The following TSPYL6 variants were observed in gnomAD, a reference collection of about 807,000 sequenced individuals.
TSPYL6 encodes testis-specific Y-encoded-like protein 6.
For synonymous variants in TSPYL6, 259 were observed against 214.8 expected, an observed-to-expected ratio of 1.21 and a Z score of -1.80; for missense variants, 699 against 531.5, an observed-to-expected ratio of 1.32 and a Z score of -3.10.
At position 54,255,131 on chromosome 2, in the gene TSPYL6, G is replaced by A. The variant is rs375090649; in HGVS notation, c.1021C>T (p.His341Tyr). 78 of 1,614,078 alleles carry A rather than the reference G, an allele frequency of 4.8e-5. No individual in the cohort carries two copies. Among genetic ancestry groups the A allele is most frequent in the Non-Finnish European group, 6.4e-5 (75 of 1,180,050 alleles). ...CTGCAGATGACATGTCGGTTCCTAT[G>A]AATGAAGGACTGGGGTCCATGGCCC... The part of the protein sequence containing the change: ...RRGHGPQSFI[H>Y]RNRHVICSFF... The change falls in exon 1 of 1, where the codon CAT (histidine) becomes TAT (tyrosine). Residue 341 changes from histidine (H) to tyrosine (Y), a missense_variant. Coordinates refer to ENST00000317802, the MANE Select transcript of TSPYL6 (RefSeq NM_001003937.3).
chr2:54,255,939 G>A lies in TSPYL6; in HGVS notation c.213C>T (p.Phe71=). 3 of 1,614,132 alleles carry A rather than the reference G, an allele frequency of 1.9e-6. No homozygotes were observed. Among genetic ancestry groups the A allele is most frequent in the Non-Finnish European group, 2.5e-6 (3 of 1,180,028 alleles). Residue 71 remains phenylalanine, a synonymous_variant, in exon 1 of 1, where the codon TTC becomes TTT. Coordinates refer to ENST00000317802, the MANE Select transcript of TSPYL6 (RefSeq NM_001003937.3). ...TGCGACCCGCATCGACCAAGATGTGGAAAGTATGGCCACCATCTGCGGGAT... is the reference window on the plus strand; with the variant it reads ...TGCGACCCGCATCGACCAAGATGTGAAAAGTATGGCCACCATCTGCGGGAT... ...PQDPADGGHT[F]HILVDAGRSH... is the part of the protein sequence containing the mutation.
At position 54,255,264 on chromosome 2, in the gene TSPYL6, G is replaced by A; in HGVS notation, c.888C>T (p.Phe296=). 2 of 1,614,186 alleles carry A rather than the reference G, an allele frequency of 1.2e-6. No homozygotes were observed. Among genetic ancestry groups the A allele is most frequent in the Non-Finnish European group, 1.7e-6 (2 of 1,180,036 alleles). The change falls in exon 1 of 1, where the codon TTC becomes TTT. Residue 296 remains phenylalanine (F), a synonymous_variant. Coordinates refer to ENST00000317802, the MANE Select transcript of TSPYL6 (RefSeq NM_001003937.3). ...RHPRTGCKFK[F]FFQRNPYFRN... ...TGAAGTAAGGGTTTCTTTGAAAGAA[G>A]AACTTAAACTTGCAGCCTGTCCTAG...
chr2:54,255,481 A>G lies in TSPYL6; in HGVS notation c.671T>C (p.Leu224Pro), dbSNP rs760682062. ...CTGCCCAAACCTGCGCTCCACCTGC[A>G]GGAGCGCCCTGTCAGCCTCTGCATT... ...SVNAEADRAL[L>P]QVERRFGQIH... is the part of the protein sequence containing the mutation. Residue 224 changes from leucine (L) to proline (P), a missense_variant, in exon 1 of 1, where the codon CTG becomes CCG. Physicochemically the swap from Leu to Pro is moderately conservative, Grantham distance 98. Coordinates refer to ENST00000317802, the MANE Select transcript of TSPYL6 (RefSeq NM_001003937.3). 152 of 1,613,804 alleles carry G rather than the reference A, an allele frequency of 9.4e-5. No individual in the cohort carries two copies. The highest frequency in any genetic ancestry group is 1.2e-4 in the Non-Finnish European group (139 of 1,179,970).
rs1005720134 is a variant in TSPYL6 at position 54,255,555 on chromosome 2, A to T, written c.597T>A (p.Gly199=). ...TGGACTCCAGGGGGTTCAGGTGGAG[A>T]CCCACGTTCAGGGGCCCGGGCCCGG... ...PGPGPGPLNV[G]LHLNPLESIQ... is the part of the protein sequence containing the mutation. Residue 199 remains glycine, a synonymous_variant, in exon 1 of 1, where the codon GGT becomes GGA. Transcript: ENST00000317802. 1.2e-6 allele frequency: 2 copies of T among 1,610,102 alleles called. No homozygotes were observed. The highest frequency in any genetic ancestry group is 2.2e-5 in the East Asian group (1 of 44,692).
rs906322724 is a variant in TSPYL6, at chr2:54,253,551, C to T, written c.*1368G>A. ...CCTTCTCTAGGGAACATATTTAACA[C>T]TCCAACCATCTTCTATTCTTCTACG... On this transcript the variant is annotated 3_prime_UTR_variant, in exon 1 of 1. Coordinates refer to ENST00000317802, the MANE Select transcript of TSPYL6 (RefSeq NM_001003937.3). 1.3e-5 allele frequency: 2 copies of T among 152,240 alleles called. No homozygotes were observed. The highest frequency in any genetic ancestry group is 4.8e-5 in the African/African-American group (2 of 41,450). 9.4% of individuals were successfully genotyped at this position (152,240 alleles called of 1,614,324 possible). A position where few individuals can be genotyped will look rare whatever the true frequency, so the allele number is the denominator to read the frequency against.
chr2:54,255,602 T>C lies in TSPYL6; in HGVS notation c.550A>G (p.Asn184Asp), dbSNP rs764712537. Reference protein sequence around the residue: ...AEENRAIDEVNREAGPGPGPG... With the variant: ...AEENRAIDEVDREAGPGPGPG... ...CCGGGCCCAGGCCCTGCCTCCCTGT[T>C]TACCTCATCTATTGCTCTGTTTTCT... The change falls in exon 1 of 1, where the codon AAC becomes GAC. Residue 184 changes from asparagine (N) to aspartate (D), a missense_variant. Transcript: ENST00000317802. The C allele has an allele frequency of 9.3e-6, 15 of 1,613,482 alleles. No homozygotes were observed. In the South Asian group the frequency reaches 1.6e-4, roughly 18 times the overall value.
In TSPYL6 at chr2:54,255,647, C is replaced by T. The variant is rs762227245; in HGVS notation, c.505G>A (p.Glu169Lys). ...TTTTCTTCCGCCACGTCCATTTCTTCGCCTCCTGGCTTCTCATCCACTGGG... is the reference window on the plus strand; with the variant it reads ...TTTTCTTCCGCCACGTCCATTTCTTTGCCTCCTGGCTTCTCATCCACTGGG... ...SAPVDEKPGG[E>K]EMDVAEENRA... The change falls in exon 1 of 1, where the codon GAA becomes AAA. Residue 169 changes from glutamate to lysine, a missense_variant. Transcript: ENST00000317802. 4.3e-6 allele frequency: 7 copies of T among 1,613,732 alleles called. No homozygotes were observed. The highest frequency in any genetic ancestry group is 1.6e-4 in the Middle Eastern group (1 of 6,062).
the TSPYL6 span, chr2:54,255,213 A>C: frequency 1.2e-6 from 2 of 1,614,078 alleles, no homozygotes; most frequent in African/African-American, 2.7e-5. Context: ...ATCTGACCTC[A>C]TACACCTTTA....
At position 54,255,630 on chromosome 2, in the gene TSPYL6, C is replaced by G; in HGVS notation, c.522G>C (p.Ala174=). Residue 174 remains alanine (A), a synonymous_variant, in exon 1 of 1, where the codon GCG becomes GCC. Transcript: ENST00000317802. ...EKPGGEEMDV[A]EENRAIDEVN... is the part of the protein sequence containing the mutation. Reference sequence around the variant, plus strand: ...CCTCATCTATTGCTCTGTTTTCTTCCGCCACGTCCATTTCTTCGCCTCCTG... The same window carrying G: ...CCTCATCTATTGCTCTGTTTTCTTCGGCCACGTCCATTTCTTCGCCTCCTG... The G allele has an allele frequency of 6.2e-7, 1 of 1,613,588 alleles. No individual in the cohort carries two copies. The highest frequency in any genetic ancestry group is 1.1e-5 in the South Asian group (1 of 91,078).
chr2:54,255,974 C>A lies in TSPYL6; in HGVS notation c.178G>T (p.Ala60Ser), dbSNP rs1275724575. 1 of 1,614,096 alleles carries A rather than the reference C, an allele frequency of 6.2e-7. No individual in the cohort carries two copies. Among genetic ancestry groups the A allele is most frequent in the African/African-American group, 1.3e-5 (1 of 75,044 alleles). Reference protein sequence around the residue: ...PPPRLPEEGVAPQDPADGGHT... With the variant: ...PPPRLPEEGVSPQDPADGGHT... ...CCACCATCTGCGGGATCCTGGGGCG[C>A]GACCCCCTCCTCTGGAAGCCGGGGC... The change falls in exon 1 of 1, where the codon GCG becomes TCG. Residue 60 changes from alanine (A) to serine (S), a missense_variant. Ala to Ser is a moderately conservative substitution (Grantham distance 99, BLOSUM62 1). Transcript: ENST00000317802.
chr2:54,256,210 C>T lies in TSPYL6; in HGVS notation c.-59G>A, dbSNP rs1371375443. ...CCAGGCCAGAGGTAGGTAGCGTCAA[C>T]GTTCCTCACACAAAATGGCGAGTAA... On this transcript the variant is annotated 5_prime_UTR_variant, in exon 1 of 1. Coordinates refer to ENST00000317802, the MANE Select transcript of TSPYL6 (RefSeq NM_001003937.3). The T allele has an allele frequency of 7.8e-6, 12 of 1,531,990 alleles. No homozygotes were observed. Among genetic ancestry groups the T allele is most frequent in the Middle Eastern group, 1.8e-4 (1 of 5,498 alleles). 94.9% of individuals were successfully genotyped at this position (1,531,990 alleles called of 1,614,324 possible).
In TSPYL6 at chr2:54,254,248, G is replaced by A. The variant is rs140717255; in HGVS notation, c.*671C>T. Reference sequence around the variant, plus strand: ...TTTGGAAGAGGAACAGGTCTTTTGTGTGCTGACAGGAAAGCTGTGTCCACC... The same window carrying A: ...TTTGGAAGAGGAACAGGTCTTTTGTATGCTGACAGGAAAGCTGTGTCCACC... On this transcript the variant is annotated 3_prime_UTR_variant, in exon 1 of 1. Transcript: ENST00000317802. 1.8e-4 allele frequency: 27 copies of A among 152,422 alleles called. No homozygotes were observed. Among genetic ancestry groups the A allele is most frequent in the Admixed American group, 1.6e-3 (25 of 15,302 alleles). The allele number at this position is 152,422 out of a possible 1,614,324, so 9.4% of individuals were successfully genotyped here.
chr2:54,255,878 G>GT, the TSPYL6 span: 1 of 1,613,974 alleles, frequency 6.2e-7, no homozygotes, highest in South Asian at 1.1e-5. Flanking sequence ...GCGGGTGGTG[G>GT]AGTCACTTCC....
Position 54,254,621 on chromosome 2 carries a change from T to G in TSPYL6, c.*298A>C. On this transcript the variant is annotated 3_prime_UTR_variant, in exon 1 of 1. Coordinates refer to ENST00000317802, the MANE Select transcript of TSPYL6 (RefSeq NM_001003937.3). The stretch of plus-strand genomic sequence containing the variant: ...CCAGAGGTCCTGGGAACAAACCGAG[T>G]CCAAACAAAGGTAAATACAGTGTAA... 3.5e-6 allele frequency: 1 copy of G among 284,870 alleles called. No individual in the cohort carries two copies. Among genetic ancestry groups the G allele is most frequent in the Non-Finnish European group, 6.5e-6 (1 of 153,548 alleles). 17.6% of individuals were successfully genotyped at this position (284,870 alleles called of 1,614,324 possible).
Position 54,255,264 on chromosome 2 carries a change from G to C in TSPYL6, c.888C>G (p.Phe296Leu). ...TGAAGTAAGGGTTTCTTTGAAAGAA[G>C]AACTTAAACTTGCAGCCTGTCCTAG... Reference protein sequence around the residue: ...RHPRTGCKFKFFFQRNPYFRN... With the variant: ...RHPRTGCKFKLFFQRNPYFRN... The change falls in exon 1 of 1, where the codon TTC becomes TTG. Residue 296 changes from phenylalanine to leucine, a missense_variant. Physicochemically the swap from Phe to Leu is conservative, Grantham distance 22 (BLOSUM62 0). Coordinates refer to ENST00000317802, the MANE Select transcript of TSPYL6 (RefSeq NM_001003937.3). 6.2e-7 allele frequency: 1 copy of C among 1,614,186 alleles called. No homozygotes were observed. Among genetic ancestry groups the C allele is most frequent in the Non-Finnish European group, 8.5e-7 (1 of 1,180,036 alleles).
At position 54,254,864 on chromosome 2, in the gene TSPYL6, G is replaced by C. The variant is rs901425184; in HGVS notation, c.*55C>G. 6.4e-7 allele frequency: 1 copy of C among 1,555,546 alleles called. No individual in the cohort carries two copies. Among genetic ancestry groups the C allele is most frequent in the African/African-American group, 1.4e-5 (1 of 73,112 alleles). ...TACCTAATGCTGTTGCCCAAGCTCAGGTCCAGCTGGTGGTGGCAGGCAACC... is the reference window on the plus strand; with the variant it reads ...TACCTAATGCTGTTGCCCAAGCTCACGTCCAGCTGGTGGTGGCAGGCAACC... On this transcript the variant is annotated 3_prime_UTR_variant, in exon 1 of 1. Transcript: ENST00000317802.
At position 54,254,548 on chromosome 2, in the gene TSPYL6, T is replaced by C. The variant is rs186263570; in HGVS notation, c.*371A>G. 3.4e-5 allele frequency: 7 copies of C among 205,990 alleles called. No homozygotes were observed. The South Asian group carries it at 8.0e-4, about 23-fold the overall frequency. 12.8% of individuals were successfully genotyped at this position (205,990 alleles called of 1,614,324 possible). ...CTGTCAGATGCAGAGCAGGGTGAGC[T>C]GAATAGGTTCTTAGACACAGCTAGA... On this transcript the variant is annotated 3_prime_UTR_variant, in exon 1 of 1. Transcript: ENST00000317802.
rs1050825934 is a variant in TSPYL6 at position 54,256,218 on chromosome 2, A to T, written c.-67T>A. The stretch of plus-strand genomic sequence containing the variant: ...GAGGTAGGTAGCGTCAACGTTCCTC[A>T]CACAAAATGGCGAGTAAACACCTCG... On this transcript the variant is annotated 5_prime_UTR_variant, in exon 1 of 1. Coordinates refer to ENST00000317802, the MANE Select transcript of TSPYL6 (RefSeq NM_001003937.3). 2 of 1,522,502 alleles carry T rather than the reference A, an allele frequency of 1.3e-6. No homozygotes were observed. Among genetic ancestry groups the T allele is most frequent in the African/African-American group, 2.8e-5 (2 of 72,010 alleles). The allele number at this position is 1,522,502 out of a possible 1,614,324, so 94.3% of individuals were successfully genotyped here.
Position 54,255,143 on chromosome 2 carries a change from G to T in TSPYL6, c.1009C>A (p.Gln337Lys). Residue 337 changes from glutamine (Q) to lysine (K), a missense_variant, in exon 1 of 1, where the codon CAG (glutamine) becomes AAG (lysine). By Grantham distance (53) the Gln-to-Lys change is moderately conservative. Transcript: ENST00000317802. ...LIMWRRGHGPQSFIHRNRHVI... is the reference protein window; with the variant it reads ...LIMWRRGHGPKSFIHRNRHVI... ...TGTCGGTTCCTATGAATGAAGGACT[G>T]GGGTCCATGGCCCCGGCGCCACATG... is the stretch of plus-strand genomic sequence containing the variant. 1 of 1,614,144 alleles carries T rather than the reference G, an allele frequency of 6.2e-7. No individual in the cohort carries two copies. Among genetic ancestry groups the T allele is most frequent in the Non-Finnish European group, 8.5e-7 (1 of 1,180,036 alleles).
Sources: gnomAD v4.1 joint callset for allele counts on GRCh38, gnomAD v4.1.1 for gene constraint, MANE v1.5 for transcripts, NCBI Gene and HGNC (gene_info 2026-07-23, HGNC 2026-07-21) for gene names.